EXOC6B: variants seen among roughly 807,000 people sequenced by gnomAD.
EXOC6B encodes the protein SEC15 homolog B.
A neutral mutation model predicts 113.5 loss-of-function variants in EXOC6B; 54 were observed. The ratio of observed to expected loss-of-function variants is 0.48; its 90% confidence interval spans 0.38 to 0.60. The LOEUF is 0.60. Among genes scored for constraint, EXOC6B ranks in the 20% least tolerant of loss-of-function variants. The probability of loss-of-function intolerance (pLI) is 0.00; values close to 1 mark genes in which losing one functional copy is unlikely to be tolerated. For synonymous variants in EXOC6B, 357 were observed against 339.0 expected (o/e 1.05, Z -0.58); for missense variants, 797 against 977.5 (o/e 0.82, Z 2.46).
In EXOC6B at chr2:72,762,479, C is replaced by A. The variant is rs181864238; in HGVS notation, c.114-21010G>T. Among the ~76,000 whole-genome samples the A allele has an allele frequency of 7.5e-4, 114 of 151,664 alleles. 1 individual carries two copies. In the Middle Eastern group the frequency reaches 0.01, roughly 14 times the overall value. ...ATAAAACACAAAGAAAGAATGACTG[C>A]AGACTTCTCATCCAAATTATATAAA... is the stretch of plus-strand genomic sequence containing the variant. On this transcript the variant is annotated intron_variant, in intron 1 of 21. Transcript: ENST00000272427.
In EXOC6B at chr2:72,805,538, T is replaced by G. The variant is rs962239066; in HGVS notation, c.113+20260A>C. Among the ~76,000 whole-genome samples, 11 of 152,324 alleles carry G rather than the reference T, an allele frequency of 7.2e-5. 3 individuals carry two copies. The highest frequency in any genetic ancestry group is 6.5e-5 in the Admixed American group (1 of 15,288). On this transcript the variant is annotated intron_variant, in intron 1 of 21. Transcript: ENST00000272427. ...AACAAATGAAAATTATATAAATGTA[T>G]GCTATACAACATGATGTTTTGATAT... is the stretch of plus-strand genomic sequence containing the variant.
chr2:72,236,731 T>C (rs1573057594), intron 20 of EXOC6B, among the ~76,000 whole-genome samples: 1 of 152,218 alleles, frequency 6.6e-6, no homozygotes, highest in Admixed American at 6.5e-5. Context: ...GATTTAATTG[T>C]CATCTTGCCA....
At chr2:72,425,976 C>A (rs1695177675) in intron 18 of EXOC6B, among the ~76,000 whole-genome samples, 1 of 152,068 alleles carries the variant, frequency 6.6e-6, no homozygotes, top group Non-Finnish European at 1.5e-5. Flanking sequence ...AAAAGTGTAT[C>A]TTTTAGTCTT....
chr2:72,725,275 T>C (rs1242089815), intron 5 of EXOC6B, among the ~76,000 whole-genome samples: 1 of 152,202 alleles, frequency 6.6e-6, no homozygotes, highest in Non-Finnish European at 1.5e-5. Context: ...TCATGTCTTA[T>C]AAACTAATGA....
At position 72,693,844 on chromosome 2, in the gene EXOC6B, CT is replaced by C. The variant is rs557788710; in HGVS notation, c.669+24258del. On this transcript the variant is annotated intron_variant, in intron 6 of 21. Transcript: ENST00000272427. ...TTCCACAAACTTTTCTTCCTTTTTT[CT>C]TTTTTTTTTTCCTTGTGCCACTCAT... is the stretch of plus-strand genomic sequence containing the variant. Among the ~76,000 whole-genome samples the C allele has an allele frequency of 9.0e-4, 131 of 145,998 alleles. No homozygotes were observed. The South Asian group carries it at 9.1e-3, about 10-fold the overall frequency.
At chr2:72,325,188 T>C (rs1688059018) in intron 20 of EXOC6B, among the ~76,000 whole-genome samples, 1 of 152,156 alleles carries the variant, frequency 6.6e-6, no homozygotes, top group African/African-American at 2.4e-5. Flanking sequence ...TCTGAGAATG[T>C]CGCATCATCT....
At chr2:72,323,457 C>T (rs752717283) in intron 20 of EXOC6B, among the ~76,000 whole-genome samples, 27 of 152,234 alleles carry the variant, frequency 1.8e-4, no homozygotes, top group Middle Eastern at 6.8e-3. Context: ...ACTAGAAATA[C>T]CATTTGACTC....
In EXOC6B at chr2:72,535,739, G is replaced by A. The variant is rs762838791; in HGVS notation, c.916-20613C>T. The stretch of plus-strand genomic sequence containing the variant: ...TACAAAATTGGCCGGGTATGGTGAC[G>A]CATGTCTGTAATCCTAGCTACTAGG... On this transcript the variant is annotated intron_variant, in intron 8 of 21. Coordinates refer to ENST00000272427, the MANE Select transcript of EXOC6B (RefSeq NM_015189.3). 5.9e-5 allele frequency among the ~76,000 whole-genome samples: 9 copies of A among 151,760 alleles called. No homozygotes were observed. The South Asian group carries it at 6.2e-4, about 11-fold the overall frequency.
intron 18 of EXOC6B, among the ~76,000 whole-genome samples, chr2:72,455,993 T>C (rs1253019510): frequency 6.6e-6 from 1 of 152,104 alleles, no homozygotes; most frequent in Non-Finnish European, 1.5e-5. Flanking sequence ...GCCCCACTAT[T>C]GATTAATTTT....
At chr2:72,466,426 G>A (rs1267140175) in intron 17 of EXOC6B, among the ~76,000 whole-genome samples, 1 of 151,718 alleles carries the variant, frequency 6.6e-6, no homozygotes, top group African/African-American at 2.4e-5. Flanking sequence ...CTCTTTACCT[G>A]TTCAACTCAG....
intron 1 of EXOC6B, among the ~76,000 whole-genome samples, chr2:72,805,905 C>T (rs1307948246): frequency 6.6e-6 from 1 of 152,140 alleles, no homozygotes; most frequent in Non-Finnish European, 1.5e-5. Context: ...TGCCTGGCTT[C>T]TTTCACTTAG....
intron 8 of EXOC6B, among the ~76,000 whole-genome samples, chr2:72,550,812 T>A (rs1261614826): frequency 6.6e-6 from 1 of 152,088 alleles, no homozygotes; most frequent in Non-Finnish European, 1.5e-5. Flanking sequence ...CCTATCTACA[T>A]GTCTATAGTT....
intron 20 of EXOC6B, among the ~76,000 whole-genome samples, chr2:72,320,521 CATATAAAA>C: frequency 6.6e-6 from 1 of 152,136 alleles, no homozygotes; most frequent in East Asian, 1.9e-4. Context: ...CTGTACATGC[CATATAAAA>C]ATATGAACCT....
intron 18 of EXOC6B, among the ~76,000 whole-genome samples, chr2:72,384,436 C>T (rs927220074): frequency 6.6e-6 from 1 of 151,116 alleles, no homozygotes; most frequent in Non-Finnish European, 1.5e-5. Context: ...AAGCTGAAAT[C>T]TTTTTTTTTA....
intron 1 of EXOC6B, among the ~76,000 whole-genome samples, chr2:72,747,837 C>A (rs1481464415): frequency 6.6e-6 from 1 of 152,030 alleles, no homozygotes; most frequent in African/African-American, 2.4e-5. Context: ...CACATAGATT[C>A]TATTATGTGC....
intron 6 of EXOC6B, among the ~76,000 whole-genome samples, chr2:72,609,672 G>A (rs1410755299): frequency 6.6e-6 from 1 of 151,834 alleles, no homozygotes; most frequent in Non-Finnish European, 1.5e-5. Flanking sequence ...AAGAACAAAA[G>A]ATAAAGTAGA....
intron 6 of EXOC6B, among the ~76,000 whole-genome samples, chr2:72,597,868 G>A (rs1290214583): frequency 6.6e-6 from 1 of 151,816 alleles, no homozygotes; most frequent in Non-Finnish European, 1.5e-5. Flanking sequence ...AATGATAAAG[G>A]AGTCAATTCT....
intron 20 of EXOC6B, among the ~76,000 whole-genome samples, chr2:72,216,430 A>G (rs1325172261): frequency 6.6e-6 from 1 of 152,242 alleles, no homozygotes; most frequent in African/African-American, 2.4e-5. Flanking sequence ...GTGGAGAAAT[A>G]GGAATGCTTT....
Position 72,812,482 on chromosome 2 carries a change from A to G in EXOC6B, c.113+13316T>C, listed in dbSNP as rs983716418. On this transcript the variant is annotated intron_variant, in intron 1 of 21. Transcript: ENST00000272427. ...GACATTTAGATTTAATGCAATTTCTATCAAAATCTCAGCAGACTTTTTTGC... is the reference window on the plus strand; with the variant it reads ...GACATTTAGATTTAATGCAATTTCTGTCAAAATCTCAGCAGACTTTTTTGC... Among the ~76,000 whole-genome samples the G allele has an allele frequency of 8.1e-4, 123 of 152,352 alleles. 2 individuals are homozygous for G. The highest frequency in any genetic ancestry group is 8.0e-3 in the Admixed American group (122 of 15,296).
Sources: gnomAD v4.1 joint callset for allele counts (sites outside exome capture counted in the v4.1 genomes callset) on GRCh38, gnomAD v4.1.1 for gene constraint, MANE v1.5 for transcripts, NCBI Gene and HGNC (gene_info 2026-07-23, HGNC 2026-07-21) for gene names.